SLC25A21: variants seen among roughly 807,000 people sequenced by gnomAD.
SLC25A21 encodes mitochondrial 2-oxodicarboxylate carrier.
In SLC25A21, 47 loss-of-function variants were observed where a neutral mutation model predicts 43.8. The ratio of observed to expected loss-of-function variants is 1.07; its 90% CI spans 0.85 to 1.37. The LOEUF is 1.37. Ranked by LOEUF, SLC25A21 falls within the 40% of genes most tolerant of loss-of-function variation. The pLI, the probability that SLC25A21 is intolerant of heterozygous loss-of-function variation, is 0.00. For synonymous variants in SLC25A21, 131 were observed against 121.3 expected, an observed-to-expected ratio of 1.08 and a Z score of -0.52; for missense variants, 352 against 350.2, an observed-to-expected ratio of 1.00 and a Z score of -0.04.
chr14:36,734,404 T>C lies in SLC25A21; in HGVS notation c.270+103A>G, dbSNP rs1299577709. On this transcript the variant is annotated intron_variant, in intron 4 of 9. Coordinates refer to ENST00000331299, the MANE Select transcript of SLC25A21 (RefSeq NM_030631.4). ...TGCTATAATTTCTGCATTAAAATTT[T>C]TAGTGCTTTATATATAATTCATTTT... 1.4e-5 allele frequency: 10 copies of C among 719,530 alleles called. No homozygotes were observed. The Middle Eastern group carries it at 1.0e-3, about 75-fold the overall frequency. 44.6% of individuals were successfully genotyped at this position (719,530 alleles called of 1,614,324 possible). A position where few individuals can be genotyped will look rare whatever the true frequency, so the allele number is the denominator to read the frequency against.
intron 1 of SLC25A21, among the ~76,000 whole-genome samples, chr14:36,891,022 A>T (rs1594672043): frequency 6.6e-6 from 1 of 152,238 alleles, no homozygotes; most frequent in Non-Finnish European, 1.5e-5. Flanking sequence ...TGTAATCGAC[A>T]GTATTAAGTC....
At chr14:37,153,051 GAA>G (rs1171703945) in intron 1 of SLC25A21, among the ~76,000 whole-genome samples, 1 of 152,158 alleles carries the variant, frequency 6.6e-6, no homozygotes, top group Non-Finnish European at 1.5e-5. Context: ...CTAACATGAG[GAA>G]AGGGTGAGTG....
At chr14:37,053,032 T>C (rs945139339) in intron 1 of SLC25A21, among the ~76,000 whole-genome samples, 7 of 152,164 alleles carry the variant, frequency 4.6e-5, no homozygotes, top group East Asian at 1.9e-4. Flanking sequence ...CATAATCACA[T>C]AGAATAAACT....
intron 4 of SLC25A21, among the ~76,000 whole-genome samples, chr14:36,732,249 T>TACATACCTATACTAGTA (rs1884855352): frequency 6.6e-6 from 1 of 151,948 alleles, no homozygotes; most frequent in African/African-American, 2.4e-5. Flanking sequence ...GATACTATGA[T>TACATACCTATACTAGTA]TGGTATAGGT....
chr14:36,682,839 C>T (rs1882342643), intron 9 of SLC25A21, among the ~76,000 whole-genome samples: 1 of 152,116 alleles, frequency 6.6e-6, no homozygotes, highest in South Asian at 2.1e-4. Flanking sequence ...GGAAGTGTTT[C>T]CTAAATATAT....
Position 36,734,370 on chromosome 14 carries a change from T to TA in SLC25A21, c.270+136dup, listed in dbSNP as rs1384465477. 7.0e-6 allele frequency: 4 copies of TA among 568,902 alleles called. No individual in the cohort carries two copies. In the East Asian group the frequency reaches 1.2e-4, roughly 17 times the overall value. The allele number at this position is 568,902 out of a possible 1,614,324, so 35.2% of individuals were successfully genotyped here. On this transcript the variant is annotated intron_variant, in intron 4 of 9. Coordinates refer to ENST00000331299, the MANE Select transcript of SLC25A21 (RefSeq NM_030631.4). ...AGAGACTGACCAAGTCTAATTATAA[T>TA]AAAAATTATGCTATAATTTCTGCAT...
intron 1 of SLC25A21, among the ~76,000 whole-genome samples, chr14:36,888,126 C>A (rs1422809077): frequency 6.6e-6 from 1 of 152,136 alleles, no homozygotes; most frequent in Non-Finnish European, 1.5e-5. Context: ...GAAACACTTA[C>A]CAGCATGCTA....
chr14:36,680,860 C>T, intron 9 of SLC25A21, 141 bp from the exon 10 acceptor site: 2 of 532,834 alleles, frequency 3.8e-6, no homozygotes, highest in African/African-American at 1.9e-5. Context: ...AGCTTCAATA[C>T]CAAGATATAA....
At chr14:36,991,502 T>G (rs1037149639) in intron 1 of SLC25A21, among the ~76,000 whole-genome samples, 1 of 152,166 alleles carries the variant, frequency 6.6e-6, no homozygotes, top group South Asian at 2.1e-4. Context: ...AGAACCAGTA[T>G]CCTCTAGTAA....
At chr14:36,832,011 G>C (rs1889056334) in intron 2 of SLC25A21, among the ~76,000 whole-genome samples, 2 of 152,142 alleles carry the variant, frequency 1.3e-5, no homozygotes, top group Admixed American at 1.3e-4. Context: ...TCATTTCCAT[G>C]CATGTGTCTT....
intron 1 of SLC25A21, among the ~76,000 whole-genome samples, chr14:37,011,326 A>T (rs945563643): frequency 6.6e-6 from 1 of 152,212 alleles, no homozygotes; most frequent in Non-Finnish European, 1.5e-5. Context: ...CTAAATCCTT[A>T]TAAGTTATAC....
chr14:36,696,865 G>A (rs1026286966), intron 7 of SLC25A21, among the ~76,000 whole-genome samples: 1 of 152,092 alleles, frequency 6.6e-6, no homozygotes, highest in Non-Finnish European at 1.5e-5. Context: ...ACGAGCTCCT[G>A]GATTCATTGG....
At chr14:36,691,754 TA>T (rs1882803093) in intron 7 of SLC25A21, among the ~76,000 whole-genome samples, 1 of 152,302 alleles carries the variant, frequency 6.6e-6, no homozygotes, top group Admixed American at 6.5e-5. Flanking sequence ...CCAGTACACT[TA>T]AAAAAAGTTC....
At chr14:36,788,456 C>T (rs888501407) in intron 3 of SLC25A21, among the ~76,000 whole-genome samples, 4 of 150,802 alleles carry the variant, frequency 2.7e-5, no homozygotes, top group Non-Finnish European at 5.9e-5. Flanking sequence ...GGCTGAGCCA[C>T]CGAGGCAGGC....
intron 3 of SLC25A21, among the ~76,000 whole-genome samples, chr14:36,762,268 T>G (rs1886186752): frequency 6.6e-6 from 1 of 152,228 alleles, no homozygotes; most frequent in African/African-American, 2.4e-5. Flanking sequence ...TTTGTATATA[T>G]TATCTCATTG....
At chr14:36,912,284 C>A (rs1173580547) in intron 1 of SLC25A21, among the ~76,000 whole-genome samples, 1 of 152,204 alleles carries the variant, frequency 6.6e-6, no homozygotes, top group Non-Finnish European at 1.5e-5. Flanking sequence ...AGTCTACATA[C>A]TTTTGTTCTC....
chr14:36,690,506 T>G (rs896940844), intron 7 of SLC25A21, among the ~76,000 whole-genome samples: 17 of 152,210 alleles, frequency 1.1e-4, no homozygotes, highest in African/African-American at 3.9e-4. Flanking sequence ...TCTTAACCAT[T>G]ATGTCATATT....
intron 2 of SLC25A21, among the ~76,000 whole-genome samples, chr14:36,864,899 C>A (rs985537011): frequency 1.3e-5 from 2 of 152,110 alleles, no homozygotes; most frequent in African/African-American, 2.4e-5. Flanking sequence ...ATGGAAATAA[C>A]CTTCCCAGCT....
Position 36,680,485 on chromosome 14 carries a change from A to C in SLC25A21, c.*173T>G. On this transcript the variant is annotated 3_prime_UTR_variant, in exon 10 of 10. Transcript: ENST00000331299. ...CTCACAGTTTTATTTATACAGCCAAAACTATAATCTCAAGTTGCCTATAGA... is the reference window on the plus strand; with the variant it reads ...CTCACAGTTTTATTTATACAGCCAACACTATAATCTCAAGTTGCCTATAGA... 1.6e-6 allele frequency: 2 copies of C among 1,242,368 alleles called. No homozygotes were observed. The highest frequency in any genetic ancestry group is 2.0e-6 in the Non-Finnish European group (2 of 990,950). 77.0% of individuals were successfully genotyped at this position (1,242,368 alleles called of 1,614,324 possible).
Sources: allele counts gnomAD v4.1 joint callset (sites outside exome capture counted in the v4.1 genomes callset), GRCh38; gene constraint gnomAD v4.1.1; transcripts MANE v1.5; gene names NCBI Gene and HGNC (gene_info 2026-07-23, HGNC 2026-07-21).